The following INTS2 variants were observed in gnomAD, a reference collection of about 807,000 sequenced individuals.
The protein encoded by INTS2 is KIAA1287.
Under a neutral mutation model 139.6 loss-of-function variants are expected in INTS2, and 57 were observed. The ratio of observed to expected loss-of-function variants is 0.41; its 90% CI spans 0.33 to 0.51. The LOEUF (loss-of-function observed/expected upper bound fraction) is 0.51. Among genes scored for constraint, INTS2 ranks in the 20% least tolerant of loss-of-function variants. INTS2 has a pLI of 0.28. For synonymous variants in INTS2, 473 were observed against 493.4 expected (o/e 0.96, Z 0.55); for missense variants, 1,196 against 1,436.7 (o/e 0.83, Z 2.71).
intron 12 of INTS2, 141 bp from the exon 13 acceptor site, chr17:61,894,040 T>C (rs2079322579): frequency 2.1e-6 from 1 of 485,346 alleles, no homozygotes; most frequent in African/African-American, 2.0e-5. Flanking sequence ...TATTACATGT[T>C]TTAATTGTCT....
At chr17:61,915,972 T>C (rs951993781) in intron 5 of INTS2, among the ~76,000 whole-genome samples, 2 of 151,938 alleles carry the variant, frequency 1.3e-5, no homozygotes, top group African/African-American at 4.8e-5. Flanking sequence ...ACCAACATGA[T>C]TTTCCACAAA....
Position 61,885,011 on chromosome 17 carries a change from A to C in INTS2, c.1985-6T>G, listed in dbSNP as rs769374454. 1.3e-6 allele frequency: 2 copies of C among 1,530,130 alleles called. No individual in the cohort carries two copies. Among genetic ancestry groups the C allele is most frequent in the Non-Finnish European group, 8.9e-7 (1 of 1,118,178 alleles). The allele number at this position is 1,530,130 out of a possible 1,614,324, so 94.8% of individuals were successfully genotyped here. On this transcript the variant is annotated splice_polypyrimidine_tract_variant and splice_region_variant and intron_variant, in intron 15 of 24. Transcript: ENST00000251334. ...GGGCTTTCTTTGCATGGCAGCTATCAAAGATAAAAAGTGTAAAATAAATAA... is the reference window on the plus strand; with the variant it reads ...GGGCTTTCTTTGCATGGCAGCTATCCAAGATAAAAAGTGTAAAATAAATAA...
chr17:61,893,018 G>A lies in INTS2; in HGVS notation c.1698+747C>T, dbSNP rs1010725540. Among the ~76,000 whole-genome samples, 1 of 150,176 alleles carries A rather than the reference G, an allele frequency of 6.7e-6. No homozygotes were observed. Among genetic ancestry groups the A allele is most frequent in the African/African-American group, 2.5e-5 (1 of 40,700 alleles). On this transcript the variant is annotated intron_variant, in intron 13 of 24. Coordinates refer to ENST00000251334, the MANE Select transcript of INTS2 (RefSeq NM_001351695.2). This position sits in a 1 kb window ranked among gnomAD's most constrained non-coding sequence, Gnocchi z 5.4. ...CGCACCTGTAGTTCCAGCTACTTAG[G>A]AGGCTGTGGCAGGAGGACTGCTTGA... is the stretch of plus-strand genomic sequence containing the variant.
At position 61,882,191 on chromosome 17, in the gene INTS2, C is replaced by T. The variant is rs975509457; in HGVS notation, c.2090-1020G>A. ...CAAAGTAAGCAATGCCTCCATTCTA[C>T]TGTAAGGAACAAACAATGCTGAAAG... On this transcript the variant is annotated intron_variant, in intron 16 of 24. Coordinates refer to ENST00000251334, the MANE Select transcript of INTS2 (RefSeq NM_001351695.2). This position sits in a 1 kb window ranked among gnomAD's most constrained non-coding sequence, Gnocchi z 4.7. 6.6e-6 allele frequency among the ~76,000 whole-genome samples: 1 copy of T among 152,176 alleles called. No individual in the cohort carries two copies. Among genetic ancestry groups the T allele is most frequent in the Non-Finnish European group, 1.5e-5 (1 of 68,030 alleles).
intron 15 of INTS2, among the ~76,000 whole-genome samples, chr17:61,888,731 A>G (rs2079256710): frequency 6.6e-6 from 1 of 151,998 alleles, no homozygotes; most frequent in Admixed American, 6.6e-5. Flanking sequence ...TAACGGCAAA[A>G]CGAAACTCTT....
chr17:61,902,344 T>A (rs1220542832), intron 9 of INTS2, among the ~76,000 whole-genome samples: 1 of 152,154 alleles, frequency 6.6e-6, no homozygotes, highest in African/African-American at 2.4e-5. Flanking sequence ...GTCTAAAACC[T>A]CCTTTTATTT....
chr17:61,913,503 C>T (rs2079548526), intron 5 of INTS2, among the ~76,000 whole-genome samples: 1 of 151,986 alleles, frequency 6.6e-6, no homozygotes, highest in Non-Finnish European at 1.5e-5. Context: ...GAGATGGGAT[C>T]TTGCTTTCTT....
intron 5 of INTS2, among the ~76,000 whole-genome samples, chr17:61,916,873 G>A (rs930202417): frequency 5.9e-5 from 9 of 152,026 alleles, no homozygotes; most frequent in African/African-American, 2.2e-4. Flanking sequence ...CAGAATGGGA[G>A]AAAATATTGA....
At chr17:61,924,000 T>C (rs191532209) in intron 3 of INTS2, among the ~76,000 whole-genome samples, 2 of 152,286 alleles carry the variant, frequency 1.3e-5, no homozygotes, top group Non-Finnish European at 2.9e-5. Context: ...AAATTTTAAA[T>C]TCAGAGTTTC....
At position 61,869,793 on chromosome 17, in the gene INTS2, G is replaced by C. The variant is rs2079074345; in HGVS notation, c.2974C>G (p.Leu992Val). The C allele has an allele frequency of 6.2e-7, 1 of 1,613,860 alleles. No homozygotes were observed. The highest frequency in any genetic ancestry group is 8.5e-7 in the Non-Finnish European group (1 of 1,179,780). ...TCTGCAATGTACATTTGGTGCAAGA[G>C]ACAACAGATAAGGCACTGAACTTCT... ...LREVQCLICC[L>V]LHQMYIADPN... The change falls in exon 21 of 25, where the codon CTC becomes GTC. Residue 992 changes from leucine (L) to valine (V), a missense_variant. By Grantham distance (32) the Leu-to-Val change is conservative. This residue lies in a region of INTS2 where 1,129 missense variants were observed against 1,341.9 expected (regional missense o/e 0.84). Coordinates refer to ENST00000251334, the MANE Select transcript of INTS2 (RefSeq NM_001351695.2). The surrounding 1 kb of genome is among the most constrained non-coding windows in gnomAD (Gnocchi z 5.4).
In INTS2 at chr17:61,889,901, GTAATAT is replaced by G. The variant is rs756409885; in HGVS notation, c.1876-13_1876-8del. 1.9e-6 allele frequency: 3 copies of G among 1,561,758 alleles called. No homozygotes were observed. In the South Asian group the frequency reaches 3.4e-5, roughly 18 times the overall value. On this transcript the variant is annotated splice_region_variant and splice_polypyrimidine_tract_variant and intron_variant, in intron 14 of 24. Transcript: ENST00000251334. ...TAAGGCGGATGTTGTCACCCTGGAGGTAATATTACAAATACTCTGAAATACTCTGAA... is the reference window on the plus strand; with the variant it reads ...TAAGGCGGATGTTGTCACCCTGGAGGTACAAATACTCTGAAATACTCTGAA...
chr17:61,913,029 T>C (rs1188926579), intron 5 of INTS2, among the ~76,000 whole-genome samples: 1 of 151,094 alleles, frequency 6.6e-6, no homozygotes, highest in African/African-American at 2.4e-5. Flanking sequence ...TGAGCCGAGA[T>C]CACACCACTG....
rs1287199058 is a variant in INTS2 at position 61,919,443 on chromosome 17, G to C, written c.606C>G (p.Phe202Leu). Residue 202 changes from phenylalanine (F) to leucine (L), a missense_variant, in exon 5 of 25, where the codon TTC becomes TTG. By Grantham distance (22) the Phe-to-Leu change is conservative (BLOSUM62 0). This residue lies in a region of INTS2 where 1,129 missense variants were observed against 1,341.9 expected (regional missense o/e 0.84). Transcript: ENST00000251334. ...ALLHVRNGAW[F>L]LCLLVANVPD... ...GAACATTGGCCACCAAGAGACACAA[G>C]AACCAGGCACCATTTCTAACATGTA... 6.2e-7 allele frequency: 1 copy of C among 1,601,104 alleles called. No individual in the cohort carries two copies. The highest frequency in any genetic ancestry group is 8.5e-7 in the Non-Finnish European group (1 of 1,172,636).
intron 5 of INTS2, among the ~76,000 whole-genome samples, chr17:61,913,974 G>A (rs1008324579): frequency 5.9e-5 from 9 of 151,424 alleles, no homozygotes; most frequent in Non-Finnish European, 1.2e-4. Flanking sequence ...AGTACAAGAG[G>A]AAAAAGAAAA....
At chr17:61,915,744 T>TGGCTGAA (rs1487730437) in intron 5 of INTS2, among the ~76,000 whole-genome samples, 4 of 132,516 alleles carry the variant, frequency 3.0e-5, no homozygotes, top group Non-Finnish European at 6.2e-5. Context: ...GGCAGGAGAA[T>TGGCTGAA]GGCTGAACCC....
At chr17:61,919,575 A>G in intron 4 of INTS2, 62 bp from the exon 5 acceptor site, 3 of 853,806 alleles carry the variant, frequency 3.5e-6, no homozygotes, top group Non-Finnish European at 5.7e-6. Context: ...ACACCCAGCT[A>G]ATTTTTTTTA....
intron 1 of INTS2, chr17:61,927,427 C>A (rs1369874098): frequency 1.2e-5 from 2 of 163,254 alleles, no homozygotes; most frequent in Admixed American, 6.1e-5. Flanking sequence ...CGACTAGCAG[C>A]AGCGTGGGTA....
intron 5 of INTS2, 133 bp downstream of exon 5, chr17:61,919,267 T>C: frequency 1.7e-6 from 1 of 572,996 alleles, no homozygotes; most frequent in South Asian, 2.0e-5. Flanking sequence ...TATTTCTTTA[T>C]ACATACTAAC....
chr17:61,925,480 G>A (rs1032600181), intron 2 of INTS2, among the ~76,000 whole-genome samples: 1 of 151,990 alleles, frequency 6.6e-6, no homozygotes, highest in African/African-American at 2.4e-5. Flanking sequence ...GGGAGACTGA[G>A]GCAGAAGAAT....
Sources: gnomAD v4.1 joint callset for allele counts (sites outside exome capture counted in the v4.1 genomes callset) on GRCh38, gnomAD v4.1.1 for gene constraint, gnomAD v4.1.1 regional missense constraint, Gnocchi (gnomAD v3.1) non-coding constraint, MANE v1.5 for transcripts, NCBI Gene and HGNC (gene_info 2026-07-23, HGNC 2026-07-21) for gene names.